Variants in PLCD1 observed in about 807,000 individuals in gnomAD.
The protein encoded by PLCD1 is phospholipase C delta 1, also known as 1-phosphatidylinositol 4,5-bisphosphate phosphodiesterase delta-1.
PLCD1 carries 71 observed loss-of-function variants against 87.4 expected under a neutral mutation model. The ratio of observed to expected loss-of-function variants is 0.81; its 90% CI spans 0.67 to 0.99. PLCD1 has a LOEUF of 0.99. Ranked by LOEUF, PLCD1 falls within the 50% of genes least tolerant of loss-of-function variation. PLCD1 has a pLI of 0.00. For missense variants in PLCD1, 867 were observed against 1,001.5 expected (o/e 0.87, Z 1.81); for synonymous variants, 348 against 399.2 (o/e 0.87, Z 1.53).
At chr3:38,028,972 T>C (rs1258689474) in intron 1 of PLCD1, among the ~76,000 whole-genome samples, 1 of 152,260 alleles carries the variant, frequency 6.6e-6, no homozygotes, top group Non-Finnish European at 1.5e-5. Context: ...TATTCTGCGC[T>C]GGGCAGTTAA....
chr3:38,010,941 G>A (rs1288891091), intron 5 of PLCD1, among the ~76,000 whole-genome samples: 1 of 152,188 alleles, frequency 6.6e-6, no homozygotes, highest in Non-Finnish European at 1.5e-5. Flanking sequence ...CTGCTTTTCA[G>A]CCATCTCTCT....
At chr3:38,008,867 T>C (rs1700014043) in intron 11 of PLCD1, 175 bp downstream of exon 11, 1 of 661,328 alleles carries the variant, frequency 1.5e-6, no homozygotes, top group Non-Finnish European at 2.7e-6. Flanking sequence ...TTTCAGACAC[T>C]GTGACATGCT....
chr3:38,029,608 G>A lies in PLCD1; in HGVS notation c.-69C>T. On this transcript the variant is annotated 5_prime_UTR_variant, in exon 1 of 15. Coordinates refer to ENST00000334661, the MANE Select transcript of PLCD1 (RefSeq NM_006225.4). ...TGAGTAGCGACAGCACCGGCGGCCT[G>A]GGGTCCGAGCGGAGTGCGGTGCAGG... 2 of 1,469,172 alleles carry A rather than the reference G, an allele frequency of 1.4e-6. No individual in the cohort carries two copies. Among genetic ancestry groups the A allele is most frequent in the Non-Finnish European group, 1.8e-6 (2 of 1,088,460 alleles). The allele number at this position is 1,469,172 out of a possible 1,614,324, so 91.0% of individuals were successfully genotyped here.
At chr3:38,011,020 G>A (rs1162967431) in intron 5 of PLCD1, among the ~76,000 whole-genome samples, 194 bp downstream of exon 5, 1 of 152,244 alleles carries the variant, frequency 6.6e-6, no homozygotes, top group Non-Finnish European at 1.5e-5. Context: ...GACCAGAGAA[G>A]GGTAGGGATG....
rs1274840408 is a variant in PLCD1 at position 38,024,131 on chromosome 3, G to A, written c.35-3779C>T. On this transcript the variant is annotated intron_variant, in intron 1 of 14. Coordinates refer to ENST00000334661, the MANE Select transcript of PLCD1 (RefSeq NM_006225.4). ...AGGGCTGAGTTAAATAATGAGAAGG[G>A]GTAACTAATCACCCTAGTACTCACC... 3 of 552,634 alleles carry A rather than the reference G, an allele frequency of 5.4e-6. No individual in the cohort carries two copies. The African/African-American group carries it at 5.8e-5, about 11-fold the overall frequency. The allele number at this position is 552,634 out of a possible 1,614,324, so 34.2% of individuals were successfully genotyped here.
At chr3:38,022,367 G>C (rs1700248159) in intron 1 of PLCD1, among the ~76,000 whole-genome samples, 1 of 152,206 alleles carries the variant, frequency 6.6e-6, no homozygotes, top group Non-Finnish European at 1.5e-5. Context: ...TCCGGCCTCC[G>C]GCGGGGAATT....
At chr3:38,016,181 G>A (rs936100895) in intron 3 of PLCD1, among the ~76,000 whole-genome samples, 17 of 152,144 alleles carry the variant, frequency 1.1e-4, no homozygotes, top group African/African-American at 3.9e-4. Context: ...GCTGGGATTA[G>A]TGCCCTTACA....
At chr3:38,021,818 C>T (rs1386074382) in intron 1 of PLCD1, among the ~76,000 whole-genome samples, 4 of 152,146 alleles carry the variant, frequency 2.6e-5, no homozygotes, top group Non-Finnish European at 5.9e-5. Flanking sequence ...CATGAAGCCA[C>T]AGGCCTTTTC....
Position 38,008,566 on chromosome 3 carries a change from G to A in PLCD1, c.1794C>T (p.Ala598=). ...AGGCGGGCTTCAGCACGTACCCACA[G>A]GCCCCGTTGTCCTGGAAGCGGCCCT... ...VYQGRFQDNG[A]CGYVLKPAFL... is the part of the protein sequence containing the mutation. Residue 598 remains alanine, a synonymous_variant, in exon 12 of 15, where the codon GCC becomes GCT. Coordinates refer to ENST00000334661, the MANE Select transcript of PLCD1 (RefSeq NM_006225.4). The A allele has an allele frequency of 1.2e-6, 2 of 1,614,224 alleles. No homozygotes were observed. The highest frequency in any genetic ancestry group is 1.7e-6 in the Non-Finnish European group (2 of 1,180,028).
rs894520901 is a variant in PLCD1 at position 38,018,007 on chromosome 3, C to T, written c.200-1288G>A. ...CCATGGGACCCCCACCCAAGGCCAG[C>T]GCCCTCACCCACACAGAGAGAAAGT... On this transcript the variant is annotated intron_variant, in intron 2 of 14. Transcript: ENST00000334661. The surrounding 1 kb of genome is among the most constrained non-coding windows in gnomAD (Gnocchi z 5.7). Among the ~76,000 whole-genome samples, 7 of 152,182 alleles carry T rather than the reference C, an allele frequency of 4.6e-5. No homozygotes were observed. The highest frequency in any genetic ancestry group is 1.2e-4 in the African/African-American group (5 of 41,442).
chr3:38,011,229 C>G lies in PLCD1; in HGVS notation c.775G>C (p.Glu259Gln). ...ALALSLIERY[E>Q]PSETAKAQRQ... is the part of the protein sequence containing the mutation. ...AGGCTCTCACCAGTCTCGCTGGGCT[C>G]GTAGCGCTCAATGAGGGAGAGGGCC... The change falls in exon 5 of 15, where the codon GAG becomes CAG. Residue 259 changes from glutamate (E) to glutamine (Q), a missense_variant. Glu to Gln is a conservative substitution (Grantham distance 29). Coordinates refer to ENST00000334661, the MANE Select transcript of PLCD1 (RefSeq NM_006225.4). 6.2e-7 allele frequency: 1 copy of G among 1,609,512 alleles called. No individual in the cohort carries two copies.
At chr3:38,024,539 G>A in intron 1 of PLCD1, 1 of 1,513,126 alleles carries the variant, frequency 6.6e-7, no homozygotes, top group Non-Finnish European at 8.9e-7. Flanking sequence ...GGGCGGAACT[G>A]TCGCCCTTGG....
At chr3:38,020,046 G>T in intron 2 of PLCD1, 142 bp downstream of exon 2, 2 of 787,676 alleles carry the variant, frequency 2.5e-6, no homozygotes, top group Admixed American at 3.7e-5. Context: ...GCCAGCCCAG[G>T]TTATATAAAT....
chr3:38,010,728 T>G (rs1399283680), intron 5 of PLCD1, among the ~76,000 whole-genome samples, 166 bp from the exon 6 acceptor site: 1 of 152,134 alleles, frequency 6.6e-6, no homozygotes, highest in African/African-American at 2.4e-5. Flanking sequence ...TCGACCAGAC[T>G]GTGGCTACTC....
In PLCD1 at chr3:38,008,219, C is replaced by A; in HGVS notation, c.2035+16G>T. The A allele has an allele frequency of 6.2e-7, 1 of 1,613,952 alleles. No homozygotes were observed. The highest frequency in any genetic ancestry group is 8.5e-7 in the Non-Finnish European group (1 of 1,180,050). On this transcript the variant is annotated intron_variant, in intron 13 of 14. Transcript: ENST00000334661. ...GGACACCAGCCCTAGTAGCCCAGCC[C>A]AGGCCCAGCACCTACCATTGTTGGT...
chr3:38,009,549 AG>A, intron 9 of PLCD1, 103 bp downstream of exon 9: 1 of 1,557,298 alleles, frequency 6.4e-7, no homozygotes, highest in Non-Finnish European at 8.8e-7. Context: ...AGCGGGGCAG[AG>A]GGTCTGAGTG....
At chr3:38,028,327 T>G (rs1449303267) in intron 1 of PLCD1, among the ~76,000 whole-genome samples, 1 of 152,142 alleles carries the variant, frequency 6.6e-6, no homozygotes, top group South Asian at 2.1e-4. Context: ...CCTAGGCTAT[T>G]GGTGTAAAAG....
chr3:38,011,824 A>C (rs1346053879), intron 3 of PLCD1, 151 bp from the exon 4 acceptor site: 1 of 687,760 alleles, frequency 1.5e-6, no homozygotes, highest in Non-Finnish European at 2.5e-6. Context: ...GCCTCTTCAG[A>C]GGAAAATGTT....
chr3:38,020,654 A>T (rs183874129), intron 1 of PLCD1, among the ~76,000 whole-genome samples: 1 of 152,330 alleles, frequency 6.6e-6, no homozygotes, highest in Admixed American at 6.5e-5. Flanking sequence ...AAAGAAAGGC[A>T]GCTAATTCAA....
Sources: allele counts gnomAD v4.1 joint callset (sites outside exome capture counted in the v4.1 genomes callset), GRCh38; gene constraint gnomAD v4.1.1; non-coding constraint Gnocchi (gnomAD v3.1); transcripts MANE v1.5; gene names NCBI Gene and HGNC (gene_info 2026-07-23, HGNC 2026-07-21).